The following SOX30 variants were observed in gnomAD, a reference collection of about 807,000 sequenced individuals.
SOX30 encodes transcription factor SOX-30.
SOX30 carries 17 observed loss-of-function variants against 58.6 expected under a neutral mutation model. That is an observed-to-expected ratio of 0.29 (90% CI 0.20 to 0.44). The LOEUF is 0.44. Among genes scored for constraint, SOX30 ranks in the 20% least tolerant of loss-of-function variants. The pLI, the probability that SOX30 is intolerant of heterozygous loss-of-function variation, is 1.00. For synonymous variants in SOX30, 421 were observed against 400.2 expected, an observed-to-expected ratio of 1.05 and a Z score of -0.62; for missense variants, 951 against 965.8, an observed-to-expected ratio of 0.98 and a Z score of 0.20.
In SOX30 at chr5:157,648,981, T is replaced by C. The variant is rs547323584; in HGVS notation, c.968-85A>G. The C allele has an allele frequency of 1.0e-5, 15 of 1,477,008 alleles. No individual in the cohort carries two copies. The African/African-American group carries it at 2.0e-4, about 19-fold the overall frequency. The allele number at this position is 1,477,008 out of a possible 1,614,324, so 91.5% of individuals were successfully genotyped here. A position where few individuals can be genotyped will look rare whatever the true frequency, so the allele number is the denominator to read the frequency against. ...TTAAGGTAAAGTGCACCTCCGTCTATACTTATTTTTGAAATATCTGGAGGA... is the reference window on the plus strand; with the variant it reads ...TTAAGGTAAAGTGCACCTCCGTCTACACTTATTTTTGAAATATCTGGAGGA... On this transcript the variant is annotated intron_variant, in intron 1 of 4. Coordinates refer to ENST00000265007, the MANE Select transcript of SOX30 (RefSeq NM_178424.2).
intron 4 of SOX30, among the ~76,000 whole-genome samples, chr5:157,629,145 A>G (rs943491540): frequency 6.6e-6 from 1 of 152,354 alleles, no homozygotes; most frequent in African/African-American, 2.4e-5. Flanking sequence ...CAAAGTAGCT[A>G]TAAGAGAGGA....
chr5:157,664,067 A>G (rs1759622896), intron 2 of SOX30, among the ~76,000 whole-genome samples: 1 of 134,208 alleles, frequency 7.5e-6, no homozygotes, highest in Non-Finnish European at 1.5e-5. Context: ...CAAGCTACCA[A>G]TGACTTTCTT....
upstream of SOX30, among the ~76,000 whole-genome samples, chr5:157,655,735 C>T (rs144277595): frequency 6.6e-6 from 1 of 152,288 alleles, no homozygotes; most frequent in African/African-American, 2.4e-5. Flanking sequence ...TTGCCTCAGG[C>T]AATGCTGTCG....
chr5:157,664,589 A>G (rs1270907263), intron 2 of SOX30, among the ~76,000 whole-genome samples: 1 of 152,242 alleles, frequency 6.6e-6, no homozygotes, highest in East Asian at 1.9e-4. Context: ...ACAAAAGCCA[A>G]AATTGACAAA....
intron 1 of SOX30, among the ~76,000 whole-genome samples, chr5:157,649,594 A>G (rs1759277964): frequency 6.6e-6 from 1 of 152,110 alleles, no homozygotes; most frequent in Non-Finnish European, 1.5e-5. Context: ...GTTTGAGACC[A>G]GCCTGGCCAA....
At chr5:157,667,762 A>C in intron 2 of SOX30, 1 of 1,051,504 alleles carries the variant, frequency 9.5e-7, no homozygotes, top group Non-Finnish European at 1.2e-6. Flanking sequence ...ACATACATAC[A>C]TACACACACA....
rs572145110 is a variant in SOX30 at position 157,666,031 on chromosome 5, G to A, written c.52+1767C>T. 8.6e-5 allele frequency among the ~76,000 whole-genome samples: 13 copies of A among 151,466 alleles called. No individual in the cohort carries two copies. In the South Asian group the frequency reaches 2.7e-3, roughly 31 times the overall value. Reference sequence around the variant, plus strand: ...AAGCCACTTAGTTATTGGGAGAGAAGAAGATTAAAAGAAAGAAAAATTAGT... The same window carrying A: ...AAGCCACTTAGTTATTGGGAGAGAAAAAGATTAAAAGAAAGAAAAATTAGT... On this transcript the variant is annotated intron_variant, in intron 2 of 5. Transcript: ENST00000519442.
intron 4 of SOX30, among the ~76,000 whole-genome samples, chr5:157,627,159 A>G (rs2113829328): frequency 6.6e-6 from 1 of 152,110 alleles, no homozygotes; most frequent in African/African-American, 2.4e-5. Flanking sequence ...GTCAAGAGAT[A>G]GAGATCATCC....
At chr5:157,646,580 G>A in intron 3 of SOX30, 57 bp downstream of exon 3, 1 of 1,281,824 alleles carries the variant, frequency 7.8e-7, no homozygotes, top group Non-Finnish European at 1.1e-6. Context: ...TCAAACTTGA[G>A]GTAAAATTTT....
At chr5:157,629,887 C>T (rs181050564) in intron 4 of SOX30, among the ~76,000 whole-genome samples, 39 of 152,258 alleles carry the variant, frequency 2.6e-4, no homozygotes, top group African/African-American at 7.5e-4. Flanking sequence ...ACTACCATGC[C>T]GCCCTACCCA....
chr5:157,628,085 C>T (rs532619081), intron 4 of SOX30, among the ~76,000 whole-genome samples: 4 of 152,058 alleles, frequency 2.6e-5, no homozygotes, highest in African/African-American at 9.6e-5. Flanking sequence ...GAGGCTGACG[C>T]AGGAGGATCG....
In SOX30 at chr5:157,649,142, T is replaced by G. The variant is rs568843026; in HGVS notation, c.968-246A>C. Among the ~76,000 whole-genome samples the G allele has an allele frequency of 2.0e-5, 3 of 152,212 alleles. No homozygotes were observed. In the East Asian group the frequency reaches 5.8e-4, roughly 29 times the overall value. On this transcript the variant is annotated intron_variant, in intron 1 of 4. Transcript: ENST00000265007. ...AGGATAATATTGTTGAAGATAACTG[T>G]GGCAATAATCATGTTGAAGAGAGTA...
At chr5:157,655,497 A>G (rs1759454013), upstream of SOX30, among the ~76,000 whole-genome samples, 1 of 152,214 alleles carries the variant, frequency 6.6e-6, no homozygotes, top group African/African-American at 2.4e-5. Flanking sequence ...TCTCCTTGGA[A>G]TAATCTGCCT....
At chr5:157,649,884 GA>G (rs1348880666) in intron 1 of SOX30, among the ~76,000 whole-genome samples, 1 of 151,492 alleles carries the variant, frequency 6.6e-6, no homozygotes, top group South Asian at 2.1e-4. Flanking sequence ...CAATATTTCA[GA>G]AAAAAAATGA....
chr5:157,654,453 A>C (rs1412577704), upstream of SOX30, among the ~76,000 whole-genome samples: 2 of 152,164 alleles, frequency 1.3e-5, no homozygotes, highest in Non-Finnish European at 2.9e-5. Context: ...TCCCCATACC[A>C]CACTTTGAGA....
At chr5:157,649,407 G>A (rs1343691440) in intron 1 of SOX30, among the ~76,000 whole-genome samples, 1 of 152,164 alleles carries the variant, frequency 6.6e-6, no homozygotes, top group Non-Finnish European at 1.5e-5. Context: ...TATATTAGTT[G>A]TATTTCACTA....
At chr5:157,642,498 T>C (rs1463808262) in intron 3 of SOX30, among the ~76,000 whole-genome samples, 1 of 152,010 alleles carries the variant, frequency 6.6e-6, no homozygotes, top group African/African-American at 2.4e-5. Context: ...TTTTGGAATA[T>C]TGATATTGGC....
intron 2 of SOX30, among the ~76,000 whole-genome samples, chr5:157,647,394 T>C (rs1216599341): frequency 6.6e-6 from 1 of 151,824 alleles, no homozygotes; most frequent in Non-Finnish European, 1.5e-5. Flanking sequence ...TGACACAGAA[T>C]GAACCTGTAG....
chr5:157,664,697 A>C (rs539765165), intron 2 of SOX30, among the ~76,000 whole-genome samples: 2 of 152,324 alleles, frequency 1.3e-5, no homozygotes, highest in Admixed American at 6.5e-5. Context: ...TTTGCAATCT[A>C]CCCATCTGAC....
Sources: allele counts gnomAD v4.1 joint callset (sites outside exome capture counted in the v4.1 genomes callset), GRCh38; gene constraint gnomAD v4.1.1; transcripts MANE v1.5; gene names NCBI Gene and HGNC (gene_info 2026-07-23, HGNC 2026-07-21).